TRABD2A: variants seen among roughly 807,000 people sequenced by gnomAD.
TRABD2A encodes the protein TraB domain containing 2A.
Under a neutral mutation model 45.6 loss-of-function variants are expected in TRABD2A, and 43 were observed. That is an observed-to-expected ratio of 0.94 (90% CI 0.74 to 1.22). The LOEUF is 1.22. Among genes scored for constraint, TRABD2A ranks in the 50% most tolerant of loss-of-function variants. TRABD2A has a pLI of 0.00. For missense variants in TRABD2A, 642 were observed against 652.4 expected (o/e 0.98, Z 0.17); for synonymous variants, 269 against 265.0 (o/e 1.02, Z -0.15).
chr2:84,874,875 T>C (rs184969134), intron 1 of TRABD2A: 1 of 175,478 alleles, frequency 5.7e-6, no homozygotes, highest in African/African-American at 2.4e-5. Context: ...CACCAAGAAA[T>C]AGAAAGAAAC....
At position 84,881,040 on chromosome 2, in the gene TRABD2A, C is replaced by T; in HGVS notation, c.-1G>A. On this transcript the variant is annotated 5_prime_UTR_variant, in exon 1 of 7. Coordinates refer to ENST00000409520, the MANE Select transcript of TRABD2A (RefSeq NM_001277053.2). ...GCAGGAACCAGCTCCAGGGACTCAT[C>T]CTCCTCAAGGCGGCTCCGAGGCCCG... is the stretch of plus-strand genomic sequence containing the variant. 2 of 1,599,942 alleles carry T rather than the reference C, an allele frequency of 1.3e-6. No individual in the cohort carries two copies. Among genetic ancestry groups the T allele is most frequent in the Non-Finnish European group, 1.7e-6 (2 of 1,174,352 alleles).
At chr2:84,868,687 A>G (rs955829902) in intron 2 of TRABD2A, among the ~76,000 whole-genome samples, 2 of 152,218 alleles carry the variant, frequency 1.3e-5, no homozygotes, top group Non-Finnish European at 2.9e-5. Flanking sequence ...GAAAGAAAGG[A>G]AAAAAGAGAC....
At chr2:84,873,554 A>G (rs1235136382) in intron 1 of TRABD2A, among the ~76,000 whole-genome samples, 1 of 152,242 alleles carries the variant, frequency 6.6e-6, no homozygotes, top group Admixed American at 6.5e-5. Flanking sequence ...AAATACTTCA[A>G]AAACGAAATG....
chr2:84,847,682 C>T (rs1431909112), intron 2 of TRABD2A, among the ~76,000 whole-genome samples: 1 of 152,226 alleles, frequency 6.6e-6, no homozygotes, highest in Non-Finnish European at 1.5e-5. Flanking sequence ...CTGTGCCTCC[C>T]TTTCTCCATT....
chr2:84,855,028 C>T (rs1372576430), intron 2 of TRABD2A, among the ~76,000 whole-genome samples: 2 of 152,096 alleles, frequency 1.3e-5, no homozygotes, highest in African/African-American at 4.8e-5. Context: ...ATTCCACGTG[C>T]CCCCTCCCTC....
intron 2 of TRABD2A, chr2:84,851,158 A>G (rs1682081172): frequency 6.6e-6 from 1 of 152,266 alleles, no homozygotes; most frequent in South Asian, 2.1e-4. Flanking sequence ...GGAGGCCACT[A>G]GTGGAGGGTC....
intron 6 of TRABD2A, 96 bp downstream of exon 6, chr2:84,823,856 GA>G: frequency 1.3e-6 from 2 of 1,512,118 alleles, no homozygotes; most frequent in Non-Finnish European, 1.8e-6. Context: ...GTTGCTCCAT[GA>G]GGGGGGCTCC....
intron 2 of TRABD2A, among the ~76,000 whole-genome samples, chr2:84,846,983 T>G (rs1201637500): frequency 3.3e-5 from 5 of 152,192 alleles, no homozygotes; most frequent in African/African-American, 7.2e-5. Flanking sequence ...CCAGACCTAG[T>G]AGTCCATGCC....
In TRABD2A at chr2:84,870,471, G is replaced by A. The variant is rs368020516; in HGVS notation, c.423C>T (p.Asp141=). ...KLMMPLWMTP[D]QRGKGLYADY... The stretch of plus-strand genomic sequence containing the variant: ...CTGCGTAGAGCCCCTTGCCGCGCTG[G>A]TCTGGGGTCATCCACAAGGGCATCA... Residue 141 remains aspartate, a synonymous_variant, in exon 2 of 7, where the codon GAC becomes GAT. Coordinates refer to ENST00000409520, the MANE Select transcript of TRABD2A (RefSeq NM_001277053.2). The A allele has an allele frequency of 2.1e-4, 342 of 1,613,910 alleles. No individual in the cohort carries two copies. The highest frequency in any genetic ancestry group is 2.8e-4 in the Non-Finnish European group (335 of 1,179,906).
intron 3 of TRABD2A, among the ~76,000 whole-genome samples, chr2:84,841,077 G>A (rs1356207412): frequency 6.6e-6 from 1 of 152,190 alleles, no homozygotes; most frequent in African/African-American, 2.4e-5. Flanking sequence ...CTTCATGCAT[G>A]TGGACACCAG....
At chr2:84,847,124 G>A (rs1263078645) in intron 2 of TRABD2A, among the ~76,000 whole-genome samples, 1 of 152,198 alleles carries the variant, frequency 6.6e-6, no homozygotes, top group Non-Finnish European at 1.5e-5. Flanking sequence ...CTCCAGTGAG[G>A]AGCCAAGTCC....
At chr2:84,867,806 T>A (rs1682730592) in intron 2 of TRABD2A, among the ~76,000 whole-genome samples, 1 of 152,186 alleles carries the variant, frequency 6.6e-6, no homozygotes, top group African/African-American at 2.4e-5. Flanking sequence ...AAAGAAGACA[T>A]TTTGGCAGCC....
At chr2:84,880,641 T>C (rs769150393) in intron 1 of TRABD2A, among the ~76,000 whole-genome samples, 2 of 152,144 alleles carry the variant, frequency 1.3e-5, no homozygotes, top group African/African-American at 2.4e-5. Context: ...CCCCGAAAGC[T>C]CGCGAAAATG....
intron 5 of TRABD2A, among the ~76,000 whole-genome samples, chr2:84,829,611 C>T (rs889838078): frequency 2.1e-5 from 3 of 144,624 alleles, no homozygotes; most frequent in South Asian, 2.2e-4. Flanking sequence ...GTACCACACA[C>T]ACCACAACAC....
chr2:84,873,335 C>A (rs1682928624), intron 1 of TRABD2A, among the ~76,000 whole-genome samples: 2 of 151,182 alleles, frequency 1.3e-5, no homozygotes, highest in Admixed American at 1.3e-4. Context: ...GCAGGAGAAT[C>A]GCTTGAACCG....
At position 84,823,946 on chromosome 2, in the gene TRABD2A, G is replaced by A. The variant is rs1185207153; in HGVS notation, c.1334+7C>T. 4.3e-6 allele frequency: 7 copies of A among 1,613,202 alleles called. No homozygotes were observed. The highest frequency in any genetic ancestry group is 2.2e-5 in the South Asian group (2 of 91,052). ...GATGCCAACCCGACCCAGCCTACTCGCCTGACCTCTCCTCCAGGCGGACCC... is the reference window on the plus strand; with the variant it reads ...GATGCCAACCCGACCCAGCCTACTCACCTGACCTCTCCTCCAGGCGGACCC... On this transcript the variant is annotated splice_region_variant and intron_variant, in intron 6 of 6. Transcript: ENST00000409520.
At chr2:84,836,428 G>C (rs1037770059) in intron 4 of TRABD2A, 2 of 152,062 alleles carry the variant, frequency 1.3e-5, no homozygotes, top group Admixed American at 6.6e-5. Context: ...AATCCTATTG[G>C]GGATCCCTTG....
At position 84,841,962 on chromosome 2, in the gene TRABD2A, G is replaced by A. The variant is rs562049467; in HGVS notation, c.715C>T (p.Arg239Ter). ...NQTLLQQESL[R>*]AGSLQIPYTT... is the part of the protein sequence containing the mutation. ...TAGGGGATCTGAAGACTGCCTGCTC[G>A]CAGGCTTTCCTGCTGCAGGAGGGTC... Residue 239 changes from arginine to a stop codon, truncating the protein, a stop_gained, in exon 3 of 7, where the codon CGA (arginine) becomes TGA (stop). Coordinates refer to ENST00000409520, the MANE Select transcript of TRABD2A (RefSeq NM_001277053.2). LOFTEE classifies it high-confidence loss of function. 93 of 1,540,244 alleles carry A rather than the reference G, an allele frequency of 6.0e-5. No homozygotes were observed. The highest frequency in any genetic ancestry group is 2.8e-4 in the African/African-American group (20 of 70,968).
chr2:84,869,596 G>A (rs1382797245), intron 2 of TRABD2A, among the ~76,000 whole-genome samples: 1 of 152,194 alleles, frequency 6.6e-6, no homozygotes, highest in Non-Finnish European at 1.5e-5. Context: ...ACCAGGCCAT[G>A]CCCTGTGACA....
Sources: gnomAD v4.1 joint callset for allele counts (sites outside exome capture counted in the v4.1 genomes callset) on GRCh38, gnomAD v4.1.1 for gene constraint, MANE v1.5 for transcripts, NCBI Gene and HGNC (gene_info 2026-07-23, HGNC 2026-07-21) for gene names.